MAML3: variants seen among roughly 807,000 people sequenced by gnomAD.
MAML3 encodes the protein mastermind-like protein 3.
MAML3 carries 27 observed loss-of-function variants against 101.9 expected under a neutral mutation model. That is an observed-to-expected ratio of 0.27 (90% CI 0.20 to 0.37). MAML3 has a LOEUF of 0.37. Ranked by LOEUF, MAML3 falls within the 10% of genes least tolerant of loss-of-function variation. MAML3 has a pLI of 1.00. For missense variants in MAML3, 1,316 were observed against 1,444.9 expected, an observed-to-expected ratio of 0.91 and a Z score of 1.45; for synonymous variants, 501 against 555.9, an observed-to-expected ratio of 0.90 and a Z score of 1.39.
chr4:140,098,906 A>G (rs528438817), intron 1 of MAML3, among the ~76,000 whole-genome samples: 2 of 152,318 alleles, frequency 1.3e-5, no homozygotes, highest in East Asian at 1.9e-4. Flanking sequence ...CTCTATTCAG[A>G]GGAAGTTCCC....
intron 1 of MAML3, among the ~76,000 whole-genome samples, chr4:140,148,562 G>A (rs1269428471): frequency 6.6e-6 from 1 of 152,180 alleles, no homozygotes; most frequent in Admixed American, 6.5e-5. Flanking sequence ...GGCAGAACAG[G>A]ATAAGCCAAA....
At chr4:139,900,412 G>A (rs1358216748) in intron 1 of MAML3, among the ~76,000 whole-genome samples, 1 of 152,206 alleles carries the variant, frequency 6.6e-6, no homozygotes, top group Non-Finnish European at 1.5e-5. Context: ...ATTGGGAATG[G>A]ATCGTAAAAC....
At chr4:139,725,175 G>A (rs1007957303) in intron 4 of MAML3, among the ~76,000 whole-genome samples, 6 of 152,170 alleles carry the variant, frequency 3.9e-5, no homozygotes, top group Non-Finnish European at 2.9e-5. Flanking sequence ...CATGATTTAG[G>A]ATTCCCGCAA....
At chr4:139,761,765 CG>C (rs1324848018) in intron 2 of MAML3, among the ~76,000 whole-genome samples, 1 of 151,990 alleles carries the variant, frequency 6.6e-6, no homozygotes, top group Non-Finnish European at 1.5e-5. Flanking sequence ...GAGATTAGCA[CG>C]GGGGACTCTG....
At chr4:139,797,761 A>C (rs1425554986) in intron 2 of MAML3, among the ~76,000 whole-genome samples, 1 of 152,090 alleles carries the variant, frequency 6.6e-6, no homozygotes, top group South Asian at 2.1e-4. Context: ...TGCACCCCCC[A>C]AAAAAGACTT....
intron 2 of MAML3, among the ~76,000 whole-genome samples, chr4:139,865,254 C>T (rs1731874367): frequency 6.6e-6 from 1 of 151,894 alleles, no homozygotes; most frequent in Non-Finnish European, 1.5e-5. Context: ...CAAAATTAAC[C>T]TTCAGTTGTG....
chr4:140,129,965 C>CA (rs546032082), intron 1 of MAML3, among the ~76,000 whole-genome samples: 5,889 of 112,640 alleles, frequency 0.052, 154 homozygotes, highest in Non-Finnish European at 0.061. Flanking sequence ...AACTCCGTCT[C>CA]AAAAAAAAAA....
At chr4:140,138,883 T>G (rs1216597073) in intron 1 of MAML3, among the ~76,000 whole-genome samples, 1 of 152,222 alleles carries the variant, frequency 6.6e-6, no homozygotes, top group African/African-American at 2.4e-5. Context: ...CCAGAAAATT[T>G]TGTTGAATTC....
intron 2 of MAML3, among the ~76,000 whole-genome samples, chr4:139,885,964 GA>G (rs1371447081): frequency 2.4e-5 from 3 of 124,306 alleles, no homozygotes; most frequent in Admixed American, 1.0e-4. Flanking sequence ...AAAAGAAAGA[GA>G]AAAAAAGTAA....
intron 2 of MAML3, among the ~76,000 whole-genome samples, chr4:139,736,623 C>T (rs934387447): frequency 6.6e-6 from 1 of 152,156 alleles, no homozygotes; most frequent in Non-Finnish European, 1.5e-5. Flanking sequence ...CCAGTATGGG[C>T]AATTTGGGAA....
chr4:140,003,931 C>T (rs1402882219), intron 1 of MAML3, among the ~76,000 whole-genome samples: 1 of 152,210 alleles, frequency 6.6e-6, no homozygotes, highest in East Asian at 1.9e-4. Context: ...TTTAAGAGCC[C>T]TGTCAACTCA....
chr4:139,845,281 AT>A (rs1308550147), intron 2 of MAML3, among the ~76,000 whole-genome samples: 1 of 152,208 alleles, frequency 6.6e-6, no homozygotes, highest in Non-Finnish European at 1.5e-5. Context: ...ATGTGGCTGC[AT>A]TAGACAGAGT....
intron 1 of MAML3, among the ~76,000 whole-genome samples, chr4:139,932,135 G>C (rs528218043): frequency 1.3e-5 from 2 of 151,754 alleles, no homozygotes; most frequent in South Asian, 4.2e-4. Flanking sequence ...CAAATAAAAG[G>C]TACTCAATTC....
intron 2 of MAML3, among the ~76,000 whole-genome samples, chr4:139,851,919 C>T (rs181999699): frequency 1.1e-3 from 162 of 152,228 alleles, no homozygotes; most frequent in African/African-American, 3.6e-3. Flanking sequence ...AAGTGAAAGC[C>T]GCTCTTCTAA....
At chr4:140,004,748 C>T (rs561648011) in intron 1 of MAML3, among the ~76,000 whole-genome samples, 1 of 152,196 alleles carries the variant, frequency 6.6e-6, no homozygotes, top group East Asian at 1.9e-4. Context: ...TTCCCAGACC[C>T]GCTCTCCCTG....
intron 2 of MAML3, among the ~76,000 whole-genome samples, chr4:139,809,216 T>C (rs1429263901): frequency 6.6e-6 from 1 of 152,218 alleles, no homozygotes; most frequent in Non-Finnish European, 1.5e-5. Flanking sequence ...ATTTGGTTTC[T>C]ACACAGACAG....
chr4:140,082,196 G>A (rs1727869941), intron 1 of MAML3, among the ~76,000 whole-genome samples: 1 of 152,212 alleles, frequency 6.6e-6, no homozygotes, highest in African/African-American at 2.4e-5. Flanking sequence ...CACAGTCAAA[G>A]GGTTCAAGGG....
At chr4:140,045,649 A>G (rs575234864) in intron 1 of MAML3, among the ~76,000 whole-genome samples, 17 of 152,244 alleles carry the variant, frequency 1.1e-4, no homozygotes, top group African/African-American at 3.9e-4. Context: ...GCTACTATAT[A>G]ATGTTTTCAC....
chr4:139,797,672 T>A (rs988916469), intron 2 of MAML3, among the ~76,000 whole-genome samples: 9 of 151,824 alleles, frequency 5.9e-5, no homozygotes, highest in Admixed American at 5.2e-4. Flanking sequence ...TAAATTGATA[T>A]GATGTTTGGT....
Sources: gnomAD v4.1 joint callset for allele counts (sites outside exome capture counted in the v4.1 genomes callset) on GRCh38, gnomAD v4.1.1 for gene constraint, MANE v1.5 for transcripts, NCBI Gene and HGNC (gene_info 2026-07-23, HGNC 2026-07-21) for gene names.